The following ICA1 variants were observed in gnomAD, a reference collection of about 807,000 sequenced individuals.
ICA1 encodes the protein 69 kDa islet cell autoantigen.
Under a neutral mutation model 71.0 loss-of-function variants are expected in ICA1, and 40 were observed. The observed-to-expected ratio is 0.56, with a 90% CI of 0.44 to 0.73. The LOEUF (loss-of-function observed/expected upper bound fraction) is 0.73. Among genes scored for constraint, ICA1 ranks in the 30% least tolerant of loss-of-function variants. The pLI, the probability that ICA1 is intolerant of heterozygous loss-of-function variation, is 0.00. For missense variants in ICA1, 578 were observed against 576.5 expected (o/e 1.00, Z -0.03); for synonymous variants, 207 against 209.5 (o/e 0.99, Z 0.10).
At chr7:8,236,617 A>G (rs1162437102) in intron 1 of ICA1, among the ~76,000 whole-genome samples, 2 of 152,244 alleles carry the variant, frequency 1.3e-5, no homozygotes, top group African/African-American at 2.4e-5. Context: ...AAAACCAAAA[A>G]AGGGTTGATA....
chr7:8,177,394 T>C (rs1167923061), intron 6 of ICA1, among the ~76,000 whole-genome samples: 3 of 152,116 alleles, frequency 2.0e-5, no homozygotes, highest in East Asian at 1.9e-4. Flanking sequence ...GCTAACTGGG[T>C]TCACTTCCTC....
chr7:8,183,115 C>A (rs771796253), intron 6 of ICA1, among the ~76,000 whole-genome samples: 1 of 152,094 alleles, frequency 6.6e-6, no homozygotes, highest in African/African-American at 2.4e-5. Flanking sequence ...CTAAATAGAC[C>A]GATTTACAAG....
intron 4 of ICA1, chr7:8,227,882 A>T (rs1451308922): frequency 2.2e-6 from 1 of 449,574 alleles, no homozygotes; most frequent in Non-Finnish European, 4.6e-6. Context: ...CAATGCACCC[A>T]GCCTACCAAA....
At position 8,230,828 on chromosome 7, in the gene ICA1, A is replaced by G. The variant is rs143771502; in HGVS notation, c.183+1762T>C. ...CTTGTCAAACCCAGTTTCTATTTCA[A>G]AATTTCCAATTGCAGAAGGAAAGGG... On this transcript the variant is annotated intron_variant, in intron 3 of 13. Coordinates refer to ENST00000402384, the MANE Select transcript of ICA1 (RefSeq NM_001136020.3). 1.0e-3 allele frequency among the ~76,000 whole-genome samples: 152 copies of G among 152,324 alleles called. 1 individual carries two copies. In the Middle Eastern group the frequency reaches 0.01, roughly 10 times the overall value.
chr7:8,232,653 G>A lies in ICA1; in HGVS notation c.120C>T (p.Ala40=). Residue 40 remains alanine (A), a synonymous_variant, in exon 3 of 14, where the codon GCC becomes GCT. Coordinates refer to ENST00000402384, the MANE Select transcript of ICA1 (RefSeq NM_001136020.3). ...YWETKQAFIK[A]TGKKEDEHVV... ...CATGTTCATCTTCCTTCTTCCCTGT[G>A]GCTTTAATAAAGGCCTGCTTCGTCT... The A allele has an allele frequency of 3.7e-6, 6 of 1,613,394 alleles. No individual in the cohort carries two copies. The highest frequency in any genetic ancestry group is 5.1e-6 in the Non-Finnish European group (6 of 1,179,690).
At chr7:8,191,362 G>C (rs1785570558) in intron 6 of ICA1, among the ~76,000 whole-genome samples, 1 of 152,204 alleles carries the variant, frequency 6.6e-6, no homozygotes, top group Admixed American at 6.5e-5. Flanking sequence ...ACTTTGCCAA[G>C]ATGCAAAAGC....
In ICA1 at chr7:8,163,009, C is replaced by T. The variant is rs565719901; in HGVS notation, c.580-4357G>A. The stretch of plus-strand genomic sequence containing the variant: ...GAACTTGTGACCTCAGAAAATCCGC[C>T]CGCCTTGGCCTCCCAAAGTGCTAGG... On this transcript the variant is annotated intron_variant, in intron 6 of 13. Coordinates refer to ENST00000402384, the MANE Select transcript of ICA1 (RefSeq NM_001136020.3). Among the ~76,000 whole-genome samples, 12 of 152,260 alleles carry T rather than the reference C, an allele frequency of 7.9e-5. No homozygotes were observed. In the East Asian group the frequency reaches 1.9e-3, roughly 24 times the overall value.
chr7:8,236,219 G>T (rs534545273), intron 1 of ICA1, among the ~76,000 whole-genome samples: 138 of 152,276 alleles, frequency 9.1e-4, no homozygotes, highest in African/African-American at 2.5e-3. Context: ...TGAACAGGCA[G>T]ATTGAATGAA....
intron 6 of ICA1, among the ~76,000 whole-genome samples, chr7:8,199,148 A>G (rs553412575): frequency 5.9e-5 from 9 of 152,358 alleles, no homozygotes; most frequent in African/African-American, 2.2e-4. Context: ...CAGTACAACC[A>G]TTGTGGAGAA....
intron 6 of ICA1, among the ~76,000 whole-genome samples, chr7:8,171,751 A>G (rs1265464262): frequency 1.3e-5 from 2 of 151,868 alleles, no homozygotes; most frequent in African/African-American, 2.4e-5. Context: ...AATGGTTTTA[A>G]TTTCCCTCTA....
chr7:8,229,915 G>T (rs1799740243), intron 3 of ICA1, among the ~76,000 whole-genome samples: 1 of 152,196 alleles, frequency 6.6e-6, no homozygotes, highest in African/African-American at 2.4e-5. Context: ...AGTATTTCCT[G>T]AATATAGGAG....
At chr7:8,250,965 A>G in intron 1 of ICA1, among the ~76,000 whole-genome samples, 1 of 112,850 alleles carries the variant, frequency 8.9e-6, no homozygotes, top group South Asian at 2.4e-4. Flanking sequence ...CAATTGTGAC[A>G]TTACAGCTCA....
At chr7:8,216,760 T>C (rs555943072) in intron 6 of ICA1, among the ~76,000 whole-genome samples, 2 of 152,230 alleles carry the variant, frequency 1.3e-5, no homozygotes, top group East Asian at 3.9e-4. Flanking sequence ...GAGAAGAAAA[T>C]TATGTGTATT....
chr7:8,200,307 A>G (rs1286947039), intron 6 of ICA1, among the ~76,000 whole-genome samples: 1 of 149,044 alleles, frequency 6.7e-6, no homozygotes, highest in South Asian at 2.2e-4. Context: ...AGGGCTTCTT[A>G]AAGTCTTTGA....
chr7:8,117,674 G>C (rs548353109), intron 13 of ICA1, among the ~76,000 whole-genome samples: 40 of 152,258 alleles, frequency 2.6e-4, no homozygotes, highest in Middle Eastern at 6.8e-3. Flanking sequence ...GCTTAAAACT[G>C]TATCCTTTTA....
At chr7:8,217,136 T>G (rs1795659738) in intron 6 of ICA1, among the ~76,000 whole-genome samples, 1 of 152,244 alleles carries the variant, frequency 6.6e-6, no homozygotes, top group Non-Finnish European at 1.5e-5. Context: ...CAGAGGATCA[T>G]GAGCAGCCTT....
intron 1 of ICA1, among the ~76,000 whole-genome samples, chr7:8,243,036 A>C (rs956794368): frequency 6.6e-6 from 1 of 152,222 alleles, no homozygotes; most frequent in African/African-American, 2.4e-5. Context: ...AATCAATAGA[A>C]AAAGAGGGAA....
chr7:8,171,161 T>A (rs1808184025), intron 6 of ICA1, among the ~76,000 whole-genome samples: 1 of 151,970 alleles, frequency 6.6e-6, no homozygotes. Context: ...CCTCATAAAA[T>A]GAACTGGGAA....
chr7:8,199,070 C>T (rs1300738929), intron 6 of ICA1, among the ~76,000 whole-genome samples: 4 of 152,142 alleles, frequency 2.6e-5, no homozygotes, highest in African/African-American at 7.2e-5. Flanking sequence ...TTAAAATGGC[C>T]TTTATCCAAA....
Sources: allele counts gnomAD v4.1 joint callset (sites outside exome capture counted in the v4.1 genomes callset), GRCh38; gene constraint gnomAD v4.1.1; transcripts MANE v1.5; gene names NCBI Gene and HGNC (gene_info 2026-07-23, HGNC 2026-07-21).